SLIT3: variants seen among roughly 807,000 people sequenced by gnomAD.
The protein encoded by SLIT3 is slit guidance ligand 3.
In SLIT3, 68 loss-of-function variants were observed where a neutral mutation model predicts 184.0. The observed-to-expected ratio is 0.37, with a 90% confidence interval of 0.30 to 0.45. The LOEUF is 0.45. SLIT3 is among the 20% of genes least tolerant of loss of function. The probability of loss-of-function intolerance (pLI) is 1.00; values close to 1 mark genes in which losing one functional copy is unlikely to be tolerated. For synonymous variants in SLIT3, 831 were observed against 828.6 expected (o/e 1.00, Z -0.05); for missense variants, 1,707 against 2,026.0 (o/e 0.84, Z 3.02).
intron 4 of SLIT3, among the ~76,000 whole-genome samples, chr5:168,891,652 G>T (rs1403715347): frequency 6.6e-6 from 1 of 152,200 alleles, no homozygotes; most frequent in African/African-American, 2.4e-5. Context: ...GCACTATGGA[G>T]ATAAGATGCT....
intron 4 of SLIT3, among the ~76,000 whole-genome samples, chr5:169,174,624 GC>G (rs1450025645): frequency 5.3e-5 from 8 of 152,148 alleles, no homozygotes; most frequent in South Asian, 2.1e-4. Context: ...GAAAGAACCT[GC>G]CCAGCACATA....
At chr5:168,705,523 G>A (rs1173351560) in intron 26 of SLIT3, among the ~76,000 whole-genome samples, 4 of 151,640 alleles carry the variant, frequency 2.6e-5, no homozygotes, top group East Asian at 2.0e-4. Context: ...CATCATCACC[G>A]ATACCATCAC....
At chr5:169,098,908 AG>A (rs1759896813) in intron 4 of SLIT3, among the ~76,000 whole-genome samples, 1 of 152,104 alleles carries the variant, frequency 6.6e-6, no homozygotes. Flanking sequence ...AGCGGGTAGG[AG>A]GGTCACACAC....
In SLIT3 at chr5:168,806,577, C is replaced by T. The variant is rs755653878; in HGVS notation, c.804G>A (p.Ser268=). 5 of 1,614,034 alleles carry T rather than the reference C, an allele frequency of 3.1e-6. No homozygotes were observed. Among genetic ancestry groups the T allele is most frequent in the South Asian group, 2.2e-5 (2 of 91,060 alleles). ...KKEYVCPAPH[S]EPPSCNANSI... is the part of the protein sequence containing the mutation. ...AGTTGGCATTGCAGGATGGGGGCTCCGAGTGGGGGGCTGTGGAGCCAAGAC... is the reference window on the plus strand; with the variant it reads ...AGTTGGCATTGCAGGATGGGGGCTCTGAGTGGGGGGCTGTGGAGCCAAGAC... The change falls in exon 9 of 36, where the codon TCG becomes TCA. Residue 268 remains serine, a synonymous_variant. Transcript: ENST00000519560.
chr5:168,755,401 C>CTTTCTTTCTTTCTTTCTTTCTT lies in SLIT3; in HGVS notation c.1686-1416_1686-1395dup, dbSNP rs1754871399. Among the ~76,000 whole-genome samples the CTTTCTTTCTTTCTTTCTTTCTT allele has an allele frequency of 2.3e-4, 4 of 17,388 alleles. No homozygotes were observed. The East Asian group carries it at 8.2e-3, about 35-fold the overall frequency. 11.4% of individuals were successfully genotyped at this position (17,388 alleles called of 152,430 possible). ...CCTCAGTGCCGCCATTTCTTTCTTT[C>CTTTCTTTCTTTCTTTCTTTCTT]TTTCTTTCTTTCTTTCTTTCTTTCT... On this transcript the variant is annotated intron_variant, in intron 16 of 35. Coordinates refer to ENST00000519560, the MANE Select transcript of SLIT3 (RefSeq NM_003062.4).
intron 4 of SLIT3, among the ~76,000 whole-genome samples, chr5:169,144,658 G>A (rs1282406716): frequency 2.0e-5 from 3 of 152,198 alleles, no homozygotes; most frequent in Admixed American, 6.5e-5. Flanking sequence ...GTCTCTTTGG[G>A]AAGCCATGTC....
intron 3 of SLIT3, among the ~76,000 whole-genome samples, chr5:169,226,047 G>A (rs1450770489): frequency 6.6e-6 from 1 of 152,080 alleles, no homozygotes; most frequent in Non-Finnish European, 1.5e-5. Context: ...AAGGGGAGAG[G>A]GAAAGGCCAA....
intron 20 of SLIT3, among the ~76,000 whole-genome samples, chr5:168,736,769 C>A (rs1351112153): frequency 6.6e-6 from 1 of 151,680 alleles, no homozygotes; most frequent in Non-Finnish European, 1.5e-5. Context: ...CCATGTAAGC[C>A]CCCAGCAAGC....
chr5:168,960,945 C>T (rs898382547), intron 4 of SLIT3, among the ~76,000 whole-genome samples: 2 of 152,234 alleles, frequency 1.3e-5, no homozygotes, highest in South Asian at 4.1e-4. Context: ...TGGCAAGAGC[C>T]TGTGTCCTAA....
chr5:169,218,026 A>C (rs1210649106), intron 3 of SLIT3, among the ~76,000 whole-genome samples: 2 of 152,312 alleles, frequency 1.3e-5, no homozygotes, highest in African/African-American at 4.8e-5. Context: ...AGTGCCTAAC[A>C]TGGGCAGAGC....
chr5:169,157,091 A>G (rs1001573115), intron 4 of SLIT3, among the ~76,000 whole-genome samples: 1 of 152,098 alleles, frequency 6.6e-6, no homozygotes, highest in Non-Finnish European at 1.5e-5. Context: ...AAAGTACCCC[A>G]AGTCCCTGCT....
rs567912875 is a variant in SLIT3 at position 168,836,696 on chromosome 5, G to A, written c.557+7888C>T. 1.1e-4 allele frequency among the ~76,000 whole-genome samples: 16 copies of A among 152,220 alleles called. 2 individuals carry two copies. The South Asian group carries it at 2.9e-3, about 28-fold the overall frequency. ...CCCCTGGGGACAGCAAGACCACCAC[G>A]ACTTGCCGACTCCCCCTAAGCGCTA... is the stretch of plus-strand genomic sequence containing the variant. On this transcript the variant is annotated intron_variant, in intron 6 of 35. Coordinates refer to ENST00000519560, the MANE Select transcript of SLIT3 (RefSeq NM_003062.4).
rs778998998 is a variant in SLIT3 at position 168,842,469 on chromosome 5, G to GTTTTTTTTTTTTTT, written c.557+2101_557+2114dup. ...TGGTGCATCTGGATACCGTTTTTTC[G>GTTTTTTTTTTTTTT]TTTTTTTTTTTTTTTTTTGTATCTG... is the stretch of plus-strand genomic sequence containing the variant. On this transcript the variant is annotated intron_variant, in intron 6 of 35. Transcript: ENST00000519560. Among the ~76,000 whole-genome samples, 37 of 88,098 alleles carry GTTTTTTTTTTTTTT rather than the reference G, an allele frequency of 4.2e-4. 3 individuals are homozygous for GTTTTTTTTTTTTTT. Among genetic ancestry groups the GTTTTTTTTTTTTTT allele is most frequent in the African/African-American group, 1.1e-3 (22 of 20,832 alleles). 57.8% of individuals were successfully genotyped at this position (88,098 alleles called of 152,430 possible). A position where few individuals can be genotyped will look rare whatever the true frequency, so the allele number is the denominator to read the frequency against.
chr5:169,297,983 CA>C (rs1767563850), intron 1 of SLIT3, among the ~76,000 whole-genome samples: 1 of 152,288 alleles, frequency 6.6e-6, no homozygotes, highest in East Asian at 1.9e-4. Context: ...GTAAAAATGC[CA>C]AATATCCCCC....
intron 4 of SLIT3, among the ~76,000 whole-genome samples, chr5:169,054,321 G>A (rs1397972714): frequency 6.6e-6 from 1 of 151,722 alleles, no homozygotes; most frequent in African/African-American, 2.4e-5. Context: ...CAGAAGCTGG[G>A]AGAGGCAAGG....
intron 3 of SLIT3, among the ~76,000 whole-genome samples, chr5:169,240,618 T>C (rs1765371284): frequency 6.7e-6 from 1 of 149,470 alleles, no homozygotes. Context: ...GTTTTCTCTA[T>C]CCTTATGTTT....
intron 7 of SLIT3, among the ~76,000 whole-genome samples, chr5:168,822,288 C>T (rs1296255167): frequency 6.6e-6 from 1 of 152,170 alleles, no homozygotes; most frequent in Admixed American, 6.5e-5. Flanking sequence ...TACTGCTTGC[C>T]AGGCACTTTA....
At chr5:169,016,797 TA>T (rs1756399835) in intron 4 of SLIT3, among the ~76,000 whole-genome samples, 1 of 152,246 alleles carries the variant, frequency 6.6e-6, no homozygotes, top group Admixed American at 6.5e-5. Context: ...ATTTTTCAAT[TA>T]AAAAATTATG....
At chr5:169,219,128 A>G (rs1764538892) in intron 3 of SLIT3, among the ~76,000 whole-genome samples, 1 of 152,176 alleles carries the variant, frequency 6.6e-6, no homozygotes, top group Non-Finnish European at 1.5e-5. Flanking sequence ...ACATTCCCCC[A>G]GGACAGAGGC....
Sources: gnomAD v4.1 joint callset for allele counts (sites outside exome capture counted in the v4.1 genomes callset) on GRCh38, gnomAD v4.1.1 for gene constraint, MANE v1.5 for transcripts, NCBI Gene and HGNC (gene_info 2026-07-23, HGNC 2026-07-21) for gene names.